The following TRPC5 variants were observed in gnomAD, a reference collection of about 807,000 sequenced individuals.
The protein encoded by TRPC5 is transient receptor potential cation channel subfamily C member 5.
Under a neutral mutation model 56.5 loss-of-function variants are expected in TRPC5, and 9 were observed. The ratio of observed to expected loss-of-function variants is 0.16; its 90% CI spans 0.10 to 0.28. The LOEUF is 0.28. Ranked by LOEUF, TRPC5 falls within the 10% of genes least tolerant of loss-of-function variation. TRPC5 has a pLI of 1.00. For missense variants in TRPC5, 469 were observed against 748.9 expected, an observed-to-expected ratio of 0.63 and a Z score of 4.36; for synonymous variants, 282 against 278.5, an observed-to-expected ratio of 1.01 and a Z score of -0.13.
intron 1 of TRPC5, among the ~76,000 whole-genome samples, chrX:112,067,836 C>A (rs1346882386): frequency 8.9e-6 from 1 of 112,170 alleles, no homozygotes; most frequent in African/African-American, 3.2e-5. Context: ...CTCTCCTGGC[C>A]ATTTAGCTGT....
At chrX:112,023,246 G>GT (rs1163231468) in intron 1 of TRPC5, among the ~76,000 whole-genome samples, 1,228 of 56,648 alleles carry the variant, frequency 0.022, 51 homozygotes, top group African/African-American at 0.048. Flanking sequence ...TTTTTTTTTT[G>GT]TTTTTTTTTT....
rs1382014890 is a variant in TRPC5, at chrX:112,030,454, C to T, written c.-22+51425G>A. Among the ~76,000 whole-genome samples, 5 of 112,128 alleles carry T rather than the reference C, an allele frequency of 4.5e-5. No homozygotes were observed. In the Admixed American group the frequency reaches 4.7e-4, roughly 11 times the overall value. On this transcript the variant is annotated intron_variant, in intron 1 of 10. Coordinates refer to ENST00000262839, the MANE Select transcript of TRPC5 (RefSeq NM_012471.3). ...GCTATAGCATTCCGAATCCTGGAGCCTCATAAGGAGGATAAGAAAACCATT... is the reference window on the plus strand; with the variant it reads ...GCTATAGCATTCCGAATCCTGGAGCTTCATAAGGAGGATAAGAAAACCATT...
intron 1 of TRPC5, among the ~76,000 whole-genome samples, chrX:111,967,152 T>C (rs1927614734): frequency 8.9e-6 from 1 of 111,786 alleles, no homozygotes; most frequent in Admixed American, 9.5e-5. Flanking sequence ...AAAATCAGTG[T>C]ACAAAAATCA....
chrX:112,056,524 T>A (rs1005873247), intron 1 of TRPC5, among the ~76,000 whole-genome samples: 2 of 112,383 alleles, frequency 1.8e-5, no homozygotes, highest in Admixed American at 9.4e-5. Flanking sequence ...TTTCCCTCTC[T>A]GAAGCCTCAG....
intron 1 of TRPC5, among the ~76,000 whole-genome samples, chrX:111,990,215 C>T (rs1453529454): frequency 3.6e-5 from 4 of 110,861 alleles, no homozygotes; most frequent in Non-Finnish European, 5.7e-5. Context: ...GTCAGGAGTT[C>T]GAGACCAGCC....
intron 10 of TRPC5, 93 bp from the exon 11 acceptor site, chrX:111,777,095 G>T: frequency 1.4e-6 from 1 of 702,993 alleles, no homozygotes; most frequent in Non-Finnish European, 2.0e-6. Context: ...CCAGGTTTTT[G>T]CCTAGTAGCA....
At chrX:111,792,729 C>G (rs1946032740) in intron 7 of TRPC5, among the ~76,000 whole-genome samples, 1 of 112,164 alleles carries the variant, frequency 8.9e-6, no homozygotes, top group African/African-American at 3.2e-5. Context: ...CAAGAGTCTT[C>G]ACTGAACTTT....
Position 111,773,697 on chromosome X carries a change from T to C in TRPC5, c.*2616A>G, listed in dbSNP as rs1028723365. ...AAGTCATTGTCCTTCTCTGGGCCTC[T>C]TTATTTTCTATTTGTAAAATATGAG... On this transcript the variant is annotated 3_prime_UTR_variant, in exon 11 of 11. Coordinates refer to ENST00000262839, the MANE Select transcript of TRPC5 (RefSeq NM_012471.3). Among the ~76,000 whole-genome samples, 5 of 111,591 alleles carry C rather than the reference T, an allele frequency of 4.5e-5. No homozygotes were observed. The highest frequency in any genetic ancestry group is 9.4e-5 in the Non-Finnish European group (5 of 53,066).
intron 1 of TRPC5, among the ~76,000 whole-genome samples, chrX:112,057,075 G>C (rs1206969014): frequency 8.9e-6 from 1 of 111,923 alleles, no homozygotes; most frequent in Non-Finnish European, 1.9e-5. Context: ...TTTCAGTCAC[G>C]AGGGTCATTA....
chrX:111,786,226 A>C (rs1448589291), intron 7 of TRPC5, among the ~76,000 whole-genome samples: 1 of 111,464 alleles, frequency 9.0e-6, no homozygotes, highest in Non-Finnish European at 1.9e-5. Flanking sequence ...CTCGGCAGAA[A>C]CCCTACGAGC....
chrX:111,911,617 C>T (rs955640030), intron 3 of TRPC5, among the ~76,000 whole-genome samples: 29 of 112,304 alleles, frequency 2.6e-4, no homozygotes, highest in African/African-American at 9.1e-4. Context: ...AACTGGAAAT[C>T]AAAGCCTCAC....
At chrX:111,833,339 T>C (rs5985651) in intron 7 of TRPC5, among the ~76,000 whole-genome samples, 28,689 of 110,570 alleles carry the variant, frequency 0.26, 8,153 homozygotes, top group African/African-American at 0.85. Flanking sequence ...GATGATGACA[T>C]TGAGGCTCAA....
intron 7 of TRPC5, among the ~76,000 whole-genome samples, chrX:111,816,617 C>T (rs144039167): frequency 2.0e-4 from 22 of 112,086 alleles, no homozygotes; most frequent in Admixed American, 1.9e-3. Context: ...TCTTCAGTTC[C>T]CCATACCTTC....
Position 111,853,669 on chromosome X carries a change from G to A in TRPC5, c.1237+101C>T, listed in dbSNP as rs993394100. 8.9e-6 allele frequency: 7 copies of A among 786,807 alleles called. No homozygotes were observed. In the South Asian group the frequency reaches 1.5e-4, roughly 17 times the overall value. The allele number at this position is 786,807 out of a possible 1,213,427, so 64.8% of individuals were successfully genotyped here. Reference sequence around the variant, plus strand: ...ACCACACTGCATGGGGGTGGGGTGGGGGTGCCCTAGTTCAGAGCTAGTCTG... The same window carrying A: ...ACCACACTGCATGGGGGTGGGGTGGAGGTGCCCTAGTTCAGAGCTAGTCTG... On this transcript the variant is annotated intron_variant, in intron 4 of 10. Coordinates refer to ENST00000262839, the MANE Select transcript of TRPC5 (RefSeq NM_012471.3).
intron 3 of TRPC5, among the ~76,000 whole-genome samples, chrX:111,856,538 AAATAAT>A (rs750089190): frequency 7.8e-4 from 74 of 95,141 alleles, no homozygotes; most frequent in African/African-American, 1.5e-3. Context: ...GCCCTGTCTC[AAATAAT>A]AATAATAATA....
intron 3 of TRPC5, among the ~76,000 whole-genome samples, chrX:111,856,694 T>C (rs1191496698): frequency 1.9e-5 from 2 of 107,332 alleles, no homozygotes; most frequent in East Asian, 5.8e-4. Flanking sequence ...TGTGCGCCTG[T>C]AATCTCAGCT....
At chrX:112,063,006 A>G (rs776726920) in intron 1 of TRPC5, among the ~76,000 whole-genome samples, 3 of 111,913 alleles carry the variant, frequency 2.7e-5, no homozygotes, top group East Asian at 5.6e-4. Context: ...ACTTAATTAT[A>G]TATATGGGGC....
chrX:111,966,248 C>T (rs1927570637), intron 1 of TRPC5, among the ~76,000 whole-genome samples: 1 of 111,807 alleles, frequency 8.9e-6, no homozygotes, highest in South Asian at 3.8e-4. Flanking sequence ...ATAAATTCCT[C>T]AACACATACA....
intron 1 of TRPC5, among the ~76,000 whole-genome samples, chrX:112,033,217 A>C (rs1352546725): frequency 2.6e-5 from 1 of 38,911 alleles, no homozygotes; most frequent in African/African-American, 1.2e-4. Flanking sequence ...CAGGGACTGT[A>C]GTGGGGTGGG....
Sources: allele counts gnomAD v4.1 joint callset (sites outside exome capture counted in the v4.1 genomes callset), GRCh38; gene constraint gnomAD v4.1.1; transcripts MANE v1.5; gene names NCBI Gene and HGNC (gene_info 2026-07-23, HGNC 2026-07-21).